Variants in TGFB3 observed in about 807,000 individuals in gnomAD.
TGFB3 encodes the protein transforming growth factor beta-3 proprotein.
TGFB3 carries 5 observed loss-of-function variants against 40.1 expected under a neutral mutation model. The ratio of observed to expected loss-of-function variants is 0.12; its 90% CI spans 0.07 to 0.26. The LOEUF is 0.26. TGFB3 is among the 10% of genes least tolerant of loss of function. The pLI, the probability that TGFB3 is intolerant of heterozygous loss-of-function variation, is 1.00. For missense variants in TGFB3, 373 were observed against 530.1 expected (o/e 0.70, Z 2.91); for synonymous variants, 184 against 205.6 (o/e 0.89, Z 0.90).
At chr14:75,975,122 C>G (rs1041932876) in intron 1 of TGFB3, among the ~76,000 whole-genome samples, 31 of 152,002 alleles carry the variant, frequency 2.0e-4, no homozygotes, top group Admixed American at 2.6e-4. Flanking sequence ...AATCCCAGCA[C>G]TTTGGGAGGC....
intron 1 of TGFB3, among the ~76,000 whole-genome samples, chr14:75,975,047 G>A (rs2035337035): frequency 1.3e-5 from 2 of 149,742 alleles, no homozygotes; most frequent in Admixed American, 1.3e-4. Context: ...ACAACATAGG[G>A]AGGACCTATC....
At position 75,960,919 on chromosome 14, in the gene TGFB3, A is replaced by C; in HGVS notation, c.1080+4T>G. On this transcript the variant is annotated splice_donor_region_variant and intron_variant, in intron 6 of 6. Coordinates refer to ENST00000238682, the MANE Select transcript of TGFB3 (RefSeq NM_003239.5). ...GCCTCAGATGGCATGAGCCTGCTCCATACCGTGCTGTGGGTTGTGTCTGCA... is the reference window on the plus strand; with the variant it reads ...GCCTCAGATGGCATGAGCCTGCTCCCTACCGTGCTGTGGGTTGTGTCTGCA... 6.2e-7 allele frequency: 1 copy of C among 1,614,108 alleles called. No homozygotes were observed. Among genetic ancestry groups the C allele is most frequent in the South Asian group, 1.1e-5 (1 of 91,072 alleles).
Position 75,963,728 on chromosome 14 carries a change from G to A in TGFB3, c.755-241C>T, listed in dbSNP as rs538647609. ...AAGGATGCCCACTGAAAGATGCCCC[G>A]TGTTCAGATCCCCATACCCTTGTAT... On this transcript the variant is annotated intron_variant, in intron 4 of 6. Transcript: ENST00000238682. Among the ~76,000 whole-genome samples the A allele has an allele frequency of 3.5e-4, 53 of 152,276 alleles. 1 individual carries two copies. The highest frequency in any genetic ancestry group is 6.8e-3 in the Middle Eastern group (2 of 294).
In TGFB3 at chr14:75,980,846, G is replaced by C. The variant is rs759358916; in HGVS notation, c.48C>G (p.Asn16Lys). 1.2e-6 allele frequency: 2 copies of C among 1,614,114 alleles called. No homozygotes were observed. The highest frequency in any genetic ancestry group is 1.3e-5 in the African/African-American group (1 of 74,938). ...QRALVVLALL[N>K]FATVSLSLST... ...ACAGAGAGAGGCTGACCGTGGCAAA[G>C]TTCAGCAGGGCCAGGACCACCAGAG... The change falls in exon 1 of 7, where the codon AAC (asparagine) becomes AAG (lysine). Residue 16 changes from asparagine to lysine, a missense_variant. Coordinates refer to ENST00000238682, the MANE Select transcript of TGFB3 (RefSeq NM_003239.5). The surrounding 1 kb of genome is among the most constrained non-coding windows in gnomAD (Gnocchi z 4.3).
Position 75,979,192 on chromosome 14 carries a change from G to A in TGFB3, c.352+1350C>T, listed in dbSNP as rs1004803009. ...AAGCTGGAGCGGGAACCCCTCGCCA[G>A]TAACCACAGGCTCCTCTGCCTGGCG... On this transcript the variant is annotated intron_variant, in intron 1 of 6. Coordinates refer to ENST00000238682, the MANE Select transcript of TGFB3 (RefSeq NM_003239.5). This position sits in a 1 kb window ranked among gnomAD's most constrained non-coding sequence, Gnocchi z 4.8. Among the ~76,000 whole-genome samples the A allele has an allele frequency of 6.6e-6, 1 of 152,200 alleles. No individual in the cohort carries two copies. Among genetic ancestry groups the A allele is most frequent in the African/African-American group, 2.4e-5 (1 of 41,452 alleles).
At chr14:75,982,826 C>G (rs2035452871), upstream of TGFB3, 1 of 152,478 alleles carries the variant, frequency 6.6e-6, no homozygotes, top group South Asian at 2.1e-4. The surrounding 1 kb of genome is among the most constrained non-coding windows in gnomAD (Gnocchi z 4.0). Flanking sequence ...CGGAGCCGCT[C>G]TCGCAGAAAT....
Position 75,980,647 on chromosome 14 carries a change from T to C in TGFB3, c.247A>G (p.Met83Val). 1 of 1,614,126 alleles carries C rather than the reference T, an allele frequency of 6.2e-7. No homozygotes were observed. Among genetic ancestry groups the C allele is most frequent in the Non-Finnish European group, 8.5e-7 (1 of 1,180,026 alleles). Residue 83 changes from methionine (M) to valine (V), a missense_variant, in exon 1 of 7, where the codon ATG becomes GTG. Met to Val is a conservative substitution (Grantham distance 21, BLOSUM62 1). Coordinates refer to ENST00000238682, the MANE Select transcript of TGFB3 (RefSeq NM_003239.5). The surrounding 1 kb of genome is among the most constrained non-coding windows in gnomAD (Gnocchi z 4.3). ...YNSTRELLEE[M>V]HGEREEGCTQ... is the part of the protein sequence containing the mutation. ...CAGCCTTCCTCCCTCTCCCCATGCA[T>C]CTCCTCCAGCAGCTCCCGGGTGCTG...
intron 3 of TGFB3, among the ~76,000 whole-genome samples, chr14:75,970,332 C>T (rs963013175): frequency 3.3e-5 from 5 of 152,088 alleles, no homozygotes; most frequent in East Asian, 1.9e-4. Flanking sequence ...CCAAAGTGGG[C>T]GGATCACTTG....
intron 4 of TGFB3, 117 bp downstream of exon 4, chr14:75,965,471 T>A: frequency 1.2e-6 from 1 of 849,254 alleles, no homozygotes; most frequent in Non-Finnish European, 2.0e-6. Context: ...TAGTCGGCTA[T>A]CTCTCTGAAG....
rs71451199 is a variant in TGFB3, at chr14:75,981,428, TA to T, written c.-536del. On this transcript the variant is annotated 5_prime_UTR_variant, in exon 1 of 7. Transcript: ENST00000238682. The surrounding 1 kb of genome is among the most constrained non-coding windows in gnomAD (Gnocchi z 4.7). ...ATGGAAAAGAAAAGGGAAAAAAAAG[TA>T]AAAAAAAAAAGATCACCAGTGAGTA... The T allele has an allele frequency of 9.7e-3, 1,536 of 158,082 alleles. 1 individual carries two copies. The highest frequency in any genetic ancestry group is 0.024 in the South Asian group (170 of 6,956). 9.8% of individuals were successfully genotyped at this position (158,082 alleles called of 1,614,324 possible). A position where few individuals can be genotyped will look rare whatever the true frequency, so the allele number is the denominator to read the frequency against.
Position 75,971,510 on chromosome 14 carries a change from C to T in TGFB3, c.516+45G>A. 1 of 1,611,544 alleles carries T rather than the reference C, an allele frequency of 6.2e-7. No individual in the cohort carries two copies. On this transcript the variant is annotated intron_variant, in intron 2 of 6. Transcript: ENST00000238682. This position sits in a 1 kb window ranked among gnomAD's most constrained non-coding sequence, Gnocchi z 4.5. ...GTGGTGCCCTGATATGGCAAAGGAA[C>T]CAGCTTTCCCGTCGGTGTGGTTTCT...
chr14:75,980,636 C>A lies in TGFB3; in HGVS notation c.258G>T (p.Glu86Asp), dbSNP rs761683627. Residue 86 changes from glutamate to aspartate, a missense_variant, in exon 1 of 7, where the codon GAG (glutamate) becomes GAT (aspartate). Physicochemically the swap from Glu to Asp is conservative, Grantham distance 45 (BLOSUM62 2). Transcript: ENST00000238682. The surrounding 1 kb of genome is among the most constrained non-coding windows in gnomAD (Gnocchi z 4.3). The stretch of plus-strand genomic sequence containing the variant: ...TTTCCTGGGTGCAGCCTTCCTCCCT[C>A]TCCCCATGCATCTCCTCCAGCAGCT... ...TRELLEEMHGEREEGCTQENT... is the reference protein window; with the variant it reads ...TRELLEEMHGDREEGCTQENT... 1 of 1,614,252 alleles carries A rather than the reference C, an allele frequency of 6.2e-7. No individual in the cohort carries two copies.
chr14:75,963,101 G>C (rs974482640), intron 5 of TGFB3: 3 of 642,602 alleles, frequency 4.7e-6, no homozygotes, highest in Admixed American at 4.8e-5. Flanking sequence ...GCTCCTTCCA[G>C]AGTTAGCCTA....
rs1406870577 is a variant in TGFB3 at position 75,979,142 on chromosome 14, G to A, written c.352+1400C>T. 6.6e-6 allele frequency among the ~76,000 whole-genome samples: 1 copy of A among 152,112 alleles called. No homozygotes were observed. Among genetic ancestry groups the A allele is most frequent in the Non-Finnish European group, 1.5e-5 (1 of 68,006 alleles). On this transcript the variant is annotated intron_variant, in intron 1 of 6. Coordinates refer to ENST00000238682, the MANE Select transcript of TGFB3 (RefSeq NM_003239.5). The surrounding 1 kb of genome is among the most constrained non-coding windows in gnomAD (Gnocchi z 4.8). ...CCCCACATGGCAGCCACATCCTGAA[G>A]AAAGGCGCTCCAGGCAGCCACAGGA... is the stretch of plus-strand genomic sequence containing the variant.
At position 75,979,697 on chromosome 14, in the gene TGFB3, C is replaced by G. The variant is rs548246928; in HGVS notation, c.352+845G>C. Among the ~76,000 whole-genome samples, 751 of 122,884 alleles carry G rather than the reference C, an allele frequency of 6.1e-3. 14 individuals are homozygous for G. The highest frequency in any genetic ancestry group is 0.022 in the African/African-American group (726 of 33,020). 80.6% of individuals were successfully genotyped at this position (122,884 alleles called of 152,430 possible). A position where few individuals can be genotyped will look rare whatever the true frequency, so the allele number is the denominator to read the frequency against. On this transcript the variant is annotated intron_variant, in intron 1 of 6. Coordinates refer to ENST00000238682, the MANE Select transcript of TGFB3 (RefSeq NM_003239.5). The surrounding 1 kb of genome is among the most constrained non-coding windows in gnomAD (Gnocchi z 4.8). ...TGGGACGGCAGGCTCCCAGACATAT[C>G]CCCCCCCCCCACCATGCACCCACTG...
In TGFB3 at chr14:75,963,360, C is replaced by T; in HGVS notation, c.882G>A (p.Gly294=). 1 of 1,614,190 alleles carries T rather than the reference C, an allele frequency of 6.2e-7. No individual in the cohort carries two copies. Among genetic ancestry groups the T allele is most frequent in the Non-Finnish European group, 8.5e-7 (1 of 1,180,036 alleles). The change falls in exon 5 of 7, where the codon GGG becomes GGA. Residue 294 remains glycine, a synonymous_variant. Transcript: ENST00000238682. ...PPHRLDNPGQ[G]GQRKKRALDT... The stretch of plus-strand genomic sequence containing the variant: ...CCAAAGCCCGCTTCTTCCTCTGACC[C>T]CCCTGGCCCGGGTTGTCGAGCCGGT...
rs1040333444 is a variant in TGFB3 at position 75,979,650 on chromosome 14, C to A, written c.352+892G>T. Among the ~76,000 whole-genome samples, 1 of 152,118 alleles carries A rather than the reference C, an allele frequency of 6.6e-6. No individual in the cohort carries two copies. The highest frequency in any genetic ancestry group is 1.5e-5 in the Non-Finnish European group (1 of 68,032). ...CATCTCGCCCAGAAGCCGCCCGGCT[C>A]CTCCATGCAGACAGAGCCTCCTGGG... On this transcript the variant is annotated intron_variant, in intron 1 of 6. Transcript: ENST00000238682. The surrounding 1 kb of genome is among the most constrained non-coding windows in gnomAD (Gnocchi z 4.8).
In TGFB3 at chr14:75,979,313, C is replaced by T. The variant is rs2035393130; in HGVS notation, c.352+1229G>A. Among the ~76,000 whole-genome samples the T allele has an allele frequency of 6.6e-6, 1 of 152,124 alleles. No homozygotes were observed. Among genetic ancestry groups the T allele is most frequent in the African/African-American group, 2.4e-5 (1 of 41,422 alleles). On this transcript the variant is annotated intron_variant, in intron 1 of 6. Transcript: ENST00000238682. This position sits in a 1 kb window ranked among gnomAD's most constrained non-coding sequence, Gnocchi z 4.8. ...TTCTCTCCAGCCAGGTTCCTTTCAC[C>T]CCTTGCTGTGTGCTCTGCTGACCAC...
intron 4 of TGFB3, 41 bp downstream of exon 4, chr14:75,965,547 C>T: frequency 6.5e-7 from 1 of 1,537,048 alleles, no homozygotes. Context: ...ATTAACTTCC[C>T]CCCCACTCAC....
Sources: gnomAD v4.1 joint callset for allele counts (sites outside exome capture counted in the v4.1 genomes callset) on GRCh38, gnomAD v4.1.1 for gene constraint, Gnocchi (gnomAD v3.1) non-coding constraint, MANE v1.5 for transcripts, NCBI Gene and HGNC (gene_info 2026-07-23, HGNC 2026-07-21) for gene names.